Variants in KCNH5 observed in about 807,000 individuals in gnomAD.
The protein encoded by KCNH5 is potassium voltage-gated channel subfamily H member 5, also known as voltage-gated delayed rectifier potassium channel KCNH5.
Under a neutral mutation model 96.1 loss-of-function variants are expected in KCNH5, and 46 were observed. The observed-to-expected ratio is 0.48, with a 90% CI of 0.38 to 0.61. The LOEUF is 0.61. Among genes scored for constraint, KCNH5 ranks in the 20% least tolerant of loss-of-function variants. KCNH5 has a pLI of 0.00. For missense variants in KCNH5, 907 were observed against 1,225.8 expected, an observed-to-expected ratio of 0.74 and a Z score of 3.88; for synonymous variants, 439 against 449.8, an observed-to-expected ratio of 0.98 and a Z score of 0.30.
chr14:63,000,194 G>A (rs1255471212), intron 4 of KCNH5, among the ~76,000 whole-genome samples: 1 of 152,152 alleles, frequency 6.6e-6, no homozygotes, highest in Admixed American at 6.5e-5. Context: ...TATGATTACA[G>A]TTGGAAAGAT....
At chr14:63,041,781 C>T (rs1478084294) in intron 1 of KCNH5, among the ~76,000 whole-genome samples, 1 of 152,006 alleles carries the variant, frequency 6.6e-6, no homozygotes, top group Non-Finnish European at 1.5e-5. Context: ...GCAATGCTCG[C>T]TTATAACAGA....
At chr14:62,781,215 G>T (rs1041651335) in intron 9 of KCNH5, among the ~76,000 whole-genome samples, 2 of 152,110 alleles carry the variant, frequency 1.3e-5, no homozygotes, top group Non-Finnish European at 2.9e-5. Context: ...TTTTTATTAG[G>T]GATTTTCAAA....
intron 8 of KCNH5, among the ~76,000 whole-genome samples, chr14:62,839,088 T>C (rs1448076348): frequency 6.6e-6 from 1 of 152,180 alleles, no homozygotes; most frequent in African/African-American, 2.4e-5. Context: ...TTCAATAATA[T>C]GTGGATGATG....
intron 6 of KCNH5, among the ~76,000 whole-genome samples, chr14:62,968,676 C>T (rs1410020933): frequency 6.6e-6 from 1 of 152,110 alleles, no homozygotes; most frequent in African/African-American, 2.4e-5. Flanking sequence ...TAACAAAAAG[C>T]ATGTATAGTT....
intron 7 of KCNH5, among the ~76,000 whole-genome samples, chr14:62,928,822 C>T (rs1889524954): frequency 1.3e-5 from 2 of 152,094 alleles, no homozygotes; most frequent in Admixed American, 1.3e-4. Flanking sequence ...GCTGGTTTCA[C>T]CTCATCTCAC....
At chr14:62,864,629 T>C (rs1203941161) in intron 7 of KCNH5, among the ~76,000 whole-genome samples, 1 of 152,226 alleles carries the variant, frequency 6.6e-6, no homozygotes, top group East Asian at 1.9e-4. Context: ...TTCTCTGTGA[T>C]GGTAACAGAT....
rs185082221 is a variant in KCNH5 at position 62,880,575 on chromosome 14, G to A, written c.1370-30723C>T. Among the ~76,000 whole-genome samples the A allele has an allele frequency of 5.2e-4, 79 of 152,288 alleles. 1 individual carries two copies. The highest frequency in any genetic ancestry group is 4.7e-3 in the Admixed American group (72 of 15,286). ...AAAAAACAATTATTGAGCATCAGCT[G>A]TTTTCTGGAACTGGAAACTACATAT... On this transcript the variant is annotated intron_variant, in intron 7 of 10. Coordinates refer to ENST00000322893, the MANE Select transcript of KCNH5 (RefSeq NM_139318.5).
intron 7 of KCNH5, among the ~76,000 whole-genome samples, chr14:62,913,154 G>T (rs1287138483): frequency 6.6e-6 from 1 of 152,172 alleles, no homozygotes; most frequent in Non-Finnish European, 1.5e-5. Context: ...GATGCATCTT[G>T]TTGGCCTCGA....
chr14:62,776,257 G>C lies in KCNH5; in HGVS notation c.2019+3471C>G, dbSNP rs113874694. On this transcript the variant is annotated intron_variant, in intron 10 of 10. Coordinates refer to ENST00000322893, the MANE Select transcript of KCNH5 (RefSeq NM_139318.5). Reference sequence around the variant, plus strand: ...ACTCCAGCCTGGGTGACAGAGCAAGGTTCCATCTCAAAAAAAAAAAAGTTG... The same window carrying C: ...ACTCCAGCCTGGGTGACAGAGCAAGCTTCCATCTCAAAAAAAAAAAAGTTG... Among the ~76,000 whole-genome samples, 555 of 150,842 alleles carry C rather than the reference G, an allele frequency of 3.7e-3. 2 individuals carry two copies. Among genetic ancestry groups the C allele is most frequent in the Middle Eastern group, 0.014 (4 of 294 alleles).
intron 7 of KCNH5, among the ~76,000 whole-genome samples, chr14:62,903,512 G>T (rs777711391): frequency 1.4e-4 from 21 of 152,162 alleles, no homozygotes; most frequent in Admixed American, 3.3e-4. Context: ...GTATGACTTT[G>T]TATATCTAAG....
At chr14:62,799,282 A>T (rs1281854660) in intron 9 of KCNH5, among the ~76,000 whole-genome samples, 4 of 152,128 alleles carry the variant, frequency 2.6e-5, no homozygotes, top group Non-Finnish European at 5.9e-5. Context: ...AAAAGGATTT[A>T]AAAAATACAT....
At chr14:62,763,455 A>G (rs769930595) in intron 10 of KCNH5, among the ~76,000 whole-genome samples, 34 of 152,182 alleles carry the variant, frequency 2.2e-4, no homozygotes, top group Non-Finnish European at 3.7e-4. Flanking sequence ...CAAATTAACA[A>G]TGTAATATCA....
chr14:62,814,646 G>A (rs1475642165), intron 8 of KCNH5, among the ~76,000 whole-genome samples: 1 of 151,616 alleles, frequency 6.6e-6, no homozygotes, highest in African/African-American at 2.4e-5. Flanking sequence ...AGCCGGGTGT[G>A]GTGGCAGGCA....
Position 62,806,530 on chromosome 14 carries a change from G to A in KCNH5, c.1570-3949C>T, listed in dbSNP as rs915555118. On this transcript the variant is annotated intron_variant, in intron 8 of 10. Coordinates refer to ENST00000322893, the MANE Select transcript of KCNH5 (RefSeq NM_139318.5). ...ATTTCTGGTGAACTACAGAAGGGACGATACTGAAGAAACCACCCTCCCTAC... is the reference window on the plus strand; with the variant it reads ...ATTTCTGGTGAACTACAGAAGGGACAATACTGAAGAAACCACCCTCCCTAC... Among the ~76,000 whole-genome samples, 4 of 152,054 alleles carry A rather than the reference G, an allele frequency of 2.6e-5. No homozygotes were observed. In the South Asian group the frequency reaches 8.3e-4, roughly 31 times the overall value.
rs551860813 is a variant in KCNH5 at position 62,958,110 on chromosome 14, C to T, written c.943-7551G>A. Among the ~76,000 whole-genome samples, 23 of 152,260 alleles carry T rather than the reference C, an allele frequency of 1.5e-4. 1 individual carries two copies. In the South Asian group the frequency reaches 4.8e-3, roughly 32 times the overall value. ...ATAGAGAGGTCCCATCTTAATACAA[C>T]ATTATCCCAAATAGGAAAGATATGG... On this transcript the variant is annotated intron_variant, in intron 6 of 10. Coordinates refer to ENST00000322893, the MANE Select transcript of KCNH5 (RefSeq NM_139318.5).
chr14:62,708,371 C>T lies in KCNH5; in HGVS notation c.2104G>A (p.Val702Met), dbSNP rs746396176. The T allele has an allele frequency of 3.1e-6, 5 of 1,613,722 alleles. No homozygotes were observed. The highest frequency in any genetic ancestry group is 4.5e-5 in the East Asian group (2 of 44,884). Residue 702 changes from valine (V) to methionine (M), a missense_variant, in exon 11 of 11, where the codon GTG becomes ATG. Physicochemically the swap from Val to Met is conservative, Grantham distance 21. This residue lies in a region of KCNH5 where 362 missense variants were observed against 394.4 expected (regional missense o/e 0.92). Transcript: ENST00000322893. ...QKNEVTLSIP[V>M]DHPVRKLFQK... Reference sequence around the variant, plus strand: ...AAGAGCTTTCTGACTGGGTGGTCCACGGGAATGCTGAGGGTCACCTCATTC... The same window carrying T: ...AAGAGCTTTCTGACTGGGTGGTCCATGGGAATGCTGAGGGTCACCTCATTC...
Position 63,023,294 on chromosome 14 carries a change from G to T in KCNH5, c.74-6340C>A, listed in dbSNP as rs79821901. 4.6e-3 allele frequency among the ~76,000 whole-genome samples: 700 copies of T among 152,116 alleles called. 3 individuals are homozygous for T. The highest frequency in any genetic ancestry group is 0.011 in the East Asian group (59 of 5,182). On this transcript the variant is annotated intron_variant, in intron 1 of 10. Transcript: ENST00000322893. ...CCCATGTAAGTTTTTGCTCACATTT[G>T]ATTTCTCATTGCCTAGCACAGTGCC...
At chr14:62,774,651 G>A (rs1022104861) in intron 10 of KCNH5, among the ~76,000 whole-genome samples, 1 of 152,140 alleles carries the variant, frequency 6.6e-6, no homozygotes, top group Non-Finnish European at 1.5e-5. Flanking sequence ...TCAATTTAAT[G>A]AATACCATTT....
At chr14:62,885,438 C>G (rs1888577536) in intron 7 of KCNH5, among the ~76,000 whole-genome samples, 1 of 152,168 alleles carries the variant, frequency 6.6e-6, no homozygotes, top group Non-Finnish European at 1.5e-5. Flanking sequence ...AATATTCTTA[C>G]AGGAAAACAT....
Sources: allele counts gnomAD v4.1 joint callset (sites outside exome capture counted in the v4.1 genomes callset), GRCh38; gene constraint gnomAD v4.1.1; regional missense constraint gnomAD v4.1.1; transcripts MANE v1.5; gene names NCBI Gene and HGNC (gene_info 2026-07-23, HGNC 2026-07-21).